The following GRIN3B variants were observed in gnomAD, a reference collection of about 807,000 sequenced individuals.
GRIN3B encodes the protein glutamate receptor ionotropic, NMDA 3B.
A neutral mutation model predicts 66.0 loss-of-function variants in GRIN3B; 77 were observed. That is an observed-to-expected ratio of 1.17 (90% CI 0.97 to 1.41). The LOEUF (loss-of-function observed/expected upper bound fraction) is 1.41. GRIN3B is among the 40% of genes most tolerant of loss of function. The probability of loss-of-function intolerance (pLI) is 0.00; values close to 1 mark genes in which losing one functional copy is unlikely to be tolerated. For missense variants in GRIN3B, 1,787 were observed against 1,564.5 expected (o/e 1.14, Z -2.40); for synonymous variants, 823 against 749.7 (o/e 1.10, Z -1.60).
rs1350758650 is a variant in GRIN3B, at chr19:1,003,533, G to A, written c.830G>A (p.Gly277Glu). ...KALPTAGLPP[G>E]LLALGEVARP... is the part of the protein sequence containing the mutation. ...CTGCCCACCGCGGGGCTGCCACCAG[G>A]GCTGCTGGCGCTGGGCGAGGTGGCA... is the stretch of plus-strand genomic sequence containing the variant. Residue 277 changes from glycine (G) to glutamate (E), a missense_variant, in exon 2 of 9, where the codon GGG becomes GAG. Gly to Glu is a moderately conservative substitution (Grantham distance 98). Coordinates refer to ENST00000234389, the MANE Select transcript of GRIN3B (RefSeq NM_138690.3). The A allele has an allele frequency of 1.3e-6, 2 of 1,526,736 alleles. No individual in the cohort carries two copies. Among genetic ancestry groups the A allele is most frequent in the Admixed American group, 2.0e-5 (1 of 49,172 alleles). 94.6% of individuals were successfully genotyped at this position (1,526,736 alleles called of 1,614,324 possible). A position where few individuals can be genotyped will look rare whatever the true frequency, so the allele number is the denominator to read the frequency against.
In GRIN3B at chr19:1,005,210, T is replaced by G; in HGVS notation, c.1709T>G (p.Met570Arg). The change falls in exon 3 of 9, where the codon ATG becomes AGG. Residue 570 changes from methionine to arginine, a missense_variant. By Grantham distance (91) the Met-to-Arg change is moderately conservative (BLOSUM62 -1). Coordinates refer to ENST00000234389, the MANE Select transcript of GRIN3B (RefSeq NM_138690.3). The surrounding 1 kb of genome is among the most constrained non-coding windows in gnomAD (Gnocchi z 5.2). ...ACGGCCTCACCCATCGGTGCCTTTA[T>G]GTGGCCCCTGCACTGGTCCACGTGG... ...RDTASPIGAF[M>R]WPLHWSTWLG... 2 of 1,613,588 alleles carry G rather than the reference T, an allele frequency of 1.2e-6. No individual in the cohort carries two copies. Among genetic ancestry groups the G allele is most frequent in the Non-Finnish European group, 8.5e-7 (1 of 1,179,946 alleles).
chr19:1,008,520 G>A, intron 6 of GRIN3B, 98 bp from the exon 7 acceptor site: 1 of 1,406,280 alleles, frequency 7.1e-7, no homozygotes, highest in Non-Finnish European at 9.6e-7. Flanking sequence ...ACTGCCCCAA[G>A]CCCCTCTCTC....
Position 1,000,671 on chromosome 19 carries a change from G to GC in GRIN3B, c.240dup (p.Ala81ArgfsTer149), listed in dbSNP as rs969117858. 1.5e-5 allele frequency: 20 copies of GC among 1,332,458 alleles called. No individual in the cohort carries two copies. The highest frequency in any genetic ancestry group is 1.3e-4 in the Admixed American group (4 of 30,994). 82.5% of individuals were successfully genotyped at this position (1,332,458 alleles called of 1,614,324 possible). Reference sequence around the variant, plus strand: ...TGAGCTTGGAGCTGGTGGTCGCCGCGCCCCCCGCCCGCGACCCCGCCTCGC... The same window carrying GC: ...TGAGCTTGGAGCTGGTGGTCGCCGCGCCCCCCCGCCCGCGACCCCGCCTCGC... On this transcript the variant is annotated frameshift_variant, in exon 1 of 9. Transcript: ENST00000234389. LOFTEE classifies it high-confidence loss of function.
In GRIN3B at chr19:1,007,913, G is replaced by C; in HGVS notation, c.2256G>C (p.Glu752Asp). ...FIMDKSLLDY[E>D]VSIDADCKLL... ...TGGACAAGTCGCTCCTGGACTACGAGGTCTCCATCGACGCCGACTGCAAAC... is the reference window on the plus strand; with the variant it reads ...TGGACAAGTCGCTCCTGGACTACGACGTCTCCATCGACGCCGACTGCAAAC... The change falls in exon 5 of 9, where the codon GAG becomes GAC. Residue 752 changes from glutamate (E) to aspartate (D), a missense_variant. By Grantham distance (45) the Glu-to-Asp change is conservative. Transcript: ENST00000234389. The surrounding 1 kb of genome is among the most constrained non-coding windows in gnomAD (Gnocchi z 4.4). 1 of 1,612,026 alleles carries C rather than the reference G, an allele frequency of 6.2e-7. No homozygotes were observed. Among genetic ancestry groups the C allele is most frequent in the Non-Finnish European group, 8.5e-7 (1 of 1,179,632 alleles).
In GRIN3B at chr19:1,009,186, GAGC is replaced by G. The variant is rs142853420; in HGVS notation, c.2734_2736del (p.Gln912del). ...TTCCGTCCCCAGCGGCCCCGAGGTG[GAGC>G]AGCAGCAGCAGCAGCAGGACCAGCC... On this transcript the variant is annotated inframe_deletion, in exon 9 of 9. Transcript: ENST00000234389. The G allele has an allele frequency of 0.092, 133,643 of 1,453,724 alleles. 6,653 individuals are homozygous for G. Among genetic ancestry groups the G allele is most frequent in the East Asian group, 0.22 (8,020 of 37,156 alleles). The allele number at this position is 1,453,724 out of a possible 1,614,324, so 90.1% of individuals were successfully genotyped here.
chr19:1,005,463 G>C lies in GRIN3B; in HGVS notation c.1962G>C (p.Leu654=), dbSNP rs761947409. The change falls in exon 3 of 9, where the codon CTG becomes CTC. Residue 654 remains leucine, a synonymous_variant. Transcript: ENST00000234389. The surrounding 1 kb of genome is among the most constrained non-coding windows in gnomAD (Gnocchi z 5.2). ...TGAACCTCTGGGCCATCTTCTGCCT[G>C]CTGGTGCTGTCCAGCTACACGGCCA... The part of the protein sequence containing the change: ...LLMNLWAIFC[L]LVLSSYTANL... The C allele has an allele frequency of 2.5e-6, 4 of 1,613,446 alleles. No individual in the cohort carries two copies. The South Asian group carries it at 4.4e-5, about 18-fold the overall frequency.
Position 1,005,287 on chromosome 19 carries a change from G to A in GRIN3B, c.1786G>A (p.Glu596Lys), listed in dbSNP as rs745623964. ...CACCGCGCTCTTCCTCACCGTGTAC[G>A]AGTGGCGTAGCCCCTACGGCCTCAC... ...HLTALFLTVY[E>K]WRSPYGLTPR... Residue 596 changes from glutamate to lysine, a missense_variant, in exon 3 of 9, where the codon GAG becomes AAG. Physicochemically the swap from Glu to Lys is moderately conservative, Grantham distance 56. Coordinates refer to ENST00000234389, the MANE Select transcript of GRIN3B (RefSeq NM_138690.3). The surrounding 1 kb of genome is among the most constrained non-coding windows in gnomAD (Gnocchi z 5.2). 1.5e-5 allele frequency: 24 copies of A among 1,613,398 alleles called. No homozygotes were observed. The highest frequency in any genetic ancestry group is 4.5e-5 in the East Asian group (2 of 44,900).
chr19:1,003,704 C>T lies in GRIN3B; in HGVS notation c.1001C>T (p.Pro334Leu), dbSNP rs1051342020. The T allele has an allele frequency of 1.9e-5, 27 of 1,402,830 alleles. No individual in the cohort carries two copies. Among genetic ancestry groups the T allele is most frequent in the East Asian group, 2.9e-5 (1 of 34,556 alleles). 86.9% of individuals were successfully genotyped at this position (1,402,830 alleles called of 1,614,324 possible). A position where few individuals can be genotyped will look rare whatever the true frequency, so the allele number is the denominator to read the frequency against. The stretch of plus-strand genomic sequence containing the variant: ...CTGCAGCCGGCCGGGCCCGAGTCCC[C>T]GGGGCGCTTCTTGGCACGGTGAGTG... ...GDLQPAGPES[P>L]GRFLARFLAN... Residue 334 changes from proline to leucine, a missense_variant, in exon 2 of 9, where the codon CCG becomes CTG. By Grantham distance (98) the Pro-to-Leu change is moderately conservative (BLOSUM62 -3). Coordinates refer to ENST00000234389, the MANE Select transcript of GRIN3B (RefSeq NM_138690.3).
chr19:1,007,942 T>C lies in GRIN3B; in HGVS notation c.2285T>C (p.Leu762Pro), dbSNP rs1450072601. 1.2e-6 allele frequency: 2 copies of C among 1,612,010 alleles called. No individual in the cohort carries two copies. The highest frequency in any genetic ancestry group is 1.3e-5 in the African/African-American group (1 of 74,878). ...EVSIDADCKLLTVGKPFAIEG... is the reference protein window; with the variant it reads ...EVSIDADCKLPTVGKPFAIEG... Reference sequence around the variant, plus strand: ...TCCATCGACGCCGACTGCAAACTGCTGACCGTGGGAAAGCCCTTCGCCATT... The same window carrying C: ...TCCATCGACGCCGACTGCAAACTGCCGACCGTGGGAAAGCCCTTCGCCATT... Residue 762 changes from leucine to proline, a missense_variant, in exon 5 of 9, where the codon CTG becomes CCG. By Grantham distance (98) the Leu-to-Pro change is moderately conservative. Coordinates refer to ENST00000234389, the MANE Select transcript of GRIN3B (RefSeq NM_138690.3). This position sits in a 1 kb window ranked among gnomAD's most constrained non-coding sequence, Gnocchi z 4.4.
chr19:1,009,038 C>G (rs2038802702), intron 8 of GRIN3B, 111 bp downstream of exon 8: 3 of 1,464,476 alleles, frequency 2.0e-6, no homozygotes, highest in Non-Finnish European at 2.8e-6. Flanking sequence ...GGTCCCCCGC[C>G]CACCCCCGGA....
rs371824191 is a variant in GRIN3B, at chr19:1,008,790, G to T, written c.2631+8G>T. On this transcript the variant is annotated splice_region_variant and intron_variant, in intron 7 of 8. Coordinates refer to ENST00000234389, the MANE Select transcript of GRIN3B (RefSeq NM_138690.3). ...TGGCTGCACACCAGCCAGGTGGGGA[G>T]CGGGTGGGCGGCGGGCGGCCCCACC... The T allele has an allele frequency of 8.4e-5, 134 of 1,596,642 alleles. No homozygotes were observed. The African/African-American group carries it at 1.6e-3, about 19-fold the overall frequency.
rs746367646 is a variant in GRIN3B, at chr19:1,003,128, A to G, written c.427-2A>G. 2.2e-5 allele frequency: 32 copies of G among 1,444,898 alleles called. No individual in the cohort carries two copies. The highest frequency in any genetic ancestry group is 2.8e-5 in the Non-Finnish European group (31 of 1,100,436). The allele number at this position is 1,444,898 out of a possible 1,614,324, so 89.5% of individuals were successfully genotyped here. On this transcript the variant is annotated splice_acceptor_variant, in intron 1 of 8. Coordinates refer to ENST00000234389, the MANE Select transcript of GRIN3B (RefSeq NM_138690.3). LOFTEE classifies it high-confidence loss of function. ...CCCTAACCGTGGCCACCCCTCTCCC[A>G]GAACCCATTCCACCTGCAGCTGCAC...
Position 1,005,725 on chromosome 19 carries a change from C to T in GRIN3B, c.2052+172C>T, listed in dbSNP as rs369049930. The stretch of plus-strand genomic sequence containing the variant: ...ATTTATTTAAAGAAAAATAGCCGGG[C>T]GCGGTGGCTCACGCCTGTAATCCCA... On this transcript the variant is annotated intron_variant, in intron 3 of 8. Coordinates refer to ENST00000234389, the MANE Select transcript of GRIN3B (RefSeq NM_138690.3). The surrounding 1 kb of genome is among the most constrained non-coding windows in gnomAD (Gnocchi z 5.2). 2.0e-5 allele frequency among the ~76,000 whole-genome samples: 3 copies of T among 152,124 alleles called. No homozygotes were observed. The highest frequency in any genetic ancestry group is 1.9e-4 in the East Asian group (1 of 5,184).
Position 1,009,731 on chromosome 19 carries a change from T to G in GRIN3B, c.*129T>G. On this transcript the variant is annotated 3_prime_UTR_variant, in exon 9 of 9. Coordinates refer to ENST00000234389, the MANE Select transcript of GRIN3B (RefSeq NM_138690.3). The stretch of plus-strand genomic sequence containing the variant: ...TTAAATAGAATGGAATGAGCGCTCC[T>G]CCGCATTCCTCCCCGAGTGACTGGT... The G allele has an allele frequency of 1.2e-6, 1 of 808,988 alleles. No homozygotes were observed. Among genetic ancestry groups the G allele is most frequent in the East Asian group, 3.4e-5 (1 of 29,378 alleles). 50.1% of individuals were successfully genotyped at this position (808,988 alleles called of 1,614,324 possible). A position where few individuals can be genotyped will look rare whatever the true frequency, so the allele number is the denominator to read the frequency against.
chr19:1,003,157 GC>G lies in GRIN3B; in HGVS notation c.456del (p.Ser153AlafsTer53). ...PNPFHLQLHW[A>X]SPLETLLDVL... The stretch of plus-strand genomic sequence containing the variant: ...CCCATTCCACCTGCAGCTGCACTGG[GC>G]CAGCCCCCTGGAGACGCTGCTGGAT... On this transcript the variant is annotated frameshift_variant, in exon 2 of 9. Coordinates refer to ENST00000234389, the MANE Select transcript of GRIN3B (RefSeq NM_138690.3). LOFTEE classifies it high-confidence loss of function. The G allele has an allele frequency of 6.8e-7, 1 of 1,478,410 alleles. No homozygotes were observed. The allele number at this position is 1,478,410 out of a possible 1,614,324, so 91.6% of individuals were successfully genotyped here. A position where few individuals can be genotyped will look rare whatever the true frequency, so the allele number is the denominator to read the frequency against.
rs2038767395 is a variant in GRIN3B at position 1,007,705 on chromosome 19, C to G, written c.2130C>G (p.Phe710Leu). The G allele has an allele frequency of 6.5e-7, 1 of 1,537,348 alleles. No individual in the cohort carries two copies. Among genetic ancestry groups the G allele is most frequent in the Non-Finnish European group, 8.7e-7 (1 of 1,142,870 alleles). Reference protein sequence around the residue: ...SSAEAYIKKSFPDMHAHMRRH... With the variant: ...SSAEAYIKKSLPDMHAHMRRH... ...CCGAGGCGTACATCAAGAAGAGCTT[C>G]CCCGACATGCACGCACACATGCGGC... The change falls in exon 4 of 9, where the codon TTC (phenylalanine) becomes TTG (leucine). Residue 710 changes from phenylalanine (F) to leucine (L), a missense_variant. Physicochemically the swap from Phe to Leu is conservative, Grantham distance 22 (BLOSUM62 0). Transcript: ENST00000234389. The surrounding 1 kb of genome is among the most constrained non-coding windows in gnomAD (Gnocchi z 4.4).
chr19:1,008,631 G>C lies in GRIN3B; in HGVS notation c.2480G>C (p.Ser827Thr). Reference protein sequence around the residue: ...VFAVTETLQMSIYHFAGLFVL... With the variant: ...VFAVTETLQMTIYHFAGLFVL... ...TGTTGCCCCCAGACCCTGCAGATGA[G>C]CATCTACCACTTCGCGGGCCTCTTC... The change falls in exon 7 of 9, where the codon AGC becomes ACC. Residue 827 changes from serine (S) to threonine (T), a missense_variant. Coordinates refer to ENST00000234389, the MANE Select transcript of GRIN3B (RefSeq NM_138690.3). 6.3e-7 allele frequency: 1 copy of C among 1,599,968 alleles called. No individual in the cohort carries two copies. Among genetic ancestry groups the C allele is most frequent in the Non-Finnish European group, 8.5e-7 (1 of 1,179,158 alleles).
At chr19:1,008,587 C>G in intron 6 of GRIN3B, 31 bp from the exon 7 acceptor site, 14 of 1,582,292 alleles carry the variant, frequency 8.8e-6, no homozygotes, top group Non-Finnish European at 1.2e-5. Flanking sequence ...CATTACGTGA[C>G]CGTGCGGGGC....
Position 1,009,700 on chromosome 19 carries a change from C to A in GRIN3B, c.*98C>A. On this transcript the variant is annotated 3_prime_UTR_variant, in exon 9 of 9. Transcript: ENST00000234389. ...CTATATACAAACACAATTTTGTACA[C>A]TGCAATTAAATAGAATGGAATGAGC... 9.8e-7 allele frequency: 1 copy of A among 1,022,900 alleles called. No individual in the cohort carries two copies. Among genetic ancestry groups the A allele is most frequent in the Non-Finnish European group, 1.3e-6 (1 of 765,862 alleles). The allele number at this position is 1,022,900 out of a possible 1,614,324, so 63.4% of individuals were successfully genotyped here.
Sources: gnomAD v4.1 joint callset for allele counts (sites outside exome capture counted in the v4.1 genomes callset) on GRCh38, gnomAD v4.1.1 for gene constraint, Gnocchi (gnomAD v3.1) non-coding constraint, MANE v1.5 for transcripts, NCBI Gene and HGNC (gene_info 2026-07-23, HGNC 2026-07-21) for gene names.